Variants in NDUFS7 observed in about 807,000 individuals in gnomAD.
NDUFS7 encodes the protein NADH dehydrogenase [ubiquinone] iron-sulfur protein 7, mitochondrial.
In NDUFS7, 11 loss-of-function variants were observed where a neutral mutation model predicts 31.1. The observed-to-expected ratio is 0.35, with a 90% CI of 0.22 to 0.59. The LOEUF (loss-of-function observed/expected upper bound fraction) is 0.59, where lower values mean the gene tolerates loss of function less well. Among genes scored for constraint, NDUFS7 ranks in the 20% least tolerant of loss-of-function variants. The pLI, the probability that NDUFS7 is intolerant of heterozygous loss-of-function variation, is 0.79. For missense variants in NDUFS7, 263 were observed against 324.2 expected, an observed-to-expected ratio of 0.81 and a Z score of 1.45; for synonymous variants, 136 against 127.9, an observed-to-expected ratio of 1.06 and a Z score of -0.43.
Position 1,395,549 on chromosome 19 carries a change from T to C in NDUFS7, c.*61T>C. On this transcript the variant is annotated 3_prime_UTR_variant, in exon 8 of 8. Transcript: ENST00000233627. ...CTGTCCCCAGCCTGCTTGTGTCCCG[T>C]GAGGTTGTCAATAAACCTGCCCTCG... 1.3e-6 allele frequency: 2 copies of C among 1,538,298 alleles called. No homozygotes were observed. Among genetic ancestry groups the C allele is most frequent in the Non-Finnish European group, 8.8e-7 (1 of 1,136,780 alleles).
rs550867509 is a variant in NDUFS7, at chr19:1,393,054, C to T, written c.456-188C>T. 3.1e-4 allele frequency: 190 copies of T among 617,942 alleles called. 1 individual carries two copies. The highest frequency in any genetic ancestry group is 4.5e-4 in the Non-Finnish European group (153 of 342,680). 38.3% of individuals were successfully genotyped at this position (617,942 alleles called of 1,614,324 possible). A position where few individuals can be genotyped will look rare whatever the true frequency, so the allele number is the denominator to read the frequency against. Reference sequence around the variant, plus strand: ...GAGTTATCAGCCACGTGTGAGCTTGCGCCCCACTGGTCCCACAGAGGCTCT... The same window carrying T: ...GAGTTATCAGCCACGTGTGAGCTTGTGCCCCACTGGTCCCACAGAGGCTCT... On this transcript the variant is annotated intron_variant, in intron 6 of 7. Transcript: ENST00000233627. The surrounding 1 kb of genome is among the most constrained non-coding windows in gnomAD (Gnocchi z 7.3).
At chr19:1,394,214 G>A (rs1297095958) in intron 7 of NDUFS7, 5 of 433,830 alleles carry the variant, frequency 1.2e-5, no homozygotes, top group South Asian at 4.1e-5. Context: ...TCCCTGGAAA[G>A]GGCGTTGATT....
chr19:1,392,993 G>T (rs1331309228), intron 6 of NDUFS7: 1 of 582,494 alleles, frequency 1.7e-6, no homozygotes, highest in Non-Finnish European at 3.1e-6. Flanking sequence ...GGAATCGGTG[G>T]TCAGGAGCCC....
chr19:1,394,587 T>TCCTCCCTCCCTGCAGACCGCGCC, intron 7 of NDUFS7: 3 of 1,207,808 alleles, frequency 2.5e-6, no homozygotes, highest in Middle Eastern at 3.5e-4. Context: ...CGGACCGCGC[T>TCCTCCCTCCCTGCAGACCGCGCC]CGGCCCTCCC....
At position 1,393,103 on chromosome 19, in the gene NDUFS7, T is replaced by C; in HGVS notation, c.456-139T>C. 1 of 694,688 alleles carries C rather than the reference T, an allele frequency of 1.4e-6. No individual in the cohort carries two copies. Among genetic ancestry groups the C allele is most frequent in the South Asian group, 1.7e-5 (1 of 60,240 alleles). 43.0% of individuals were successfully genotyped at this position (694,688 alleles called of 1,614,324 possible). A position where few individuals can be genotyped will look rare whatever the true frequency, so the allele number is the denominator to read the frequency against. On this transcript the variant is annotated intron_variant, in intron 6 of 7. Coordinates refer to ENST00000233627, the MANE Select transcript of NDUFS7 (RefSeq NM_024407.5). The surrounding 1 kb of genome is among the most constrained non-coding windows in gnomAD (Gnocchi z 7.3). ...CTGGGAGCCTGTGCGTGTTTGCTCA[T>C]TGCTTCTCCGTGACAAGTTCCAGCC...
chr19:1,386,472 G>A (rs958890014), intron 1 of NDUFS7: 6 of 151,802 alleles, frequency 4.0e-5, no homozygotes, highest in Admixed American at 3.3e-4. Context: ...GCCCACCCTC[G>A]TGACCTCACT....
chr19:1,384,096 G>A (rs1003065160), intron 1 of NDUFS7, 154 bp downstream of exon 1: 42 of 811,790 alleles, frequency 5.2e-5, no homozygotes, highest in Non-Finnish European at 7.6e-5. Context: ...CTCCCCGCCC[G>A]GCTTGCGATG....
Position 1,391,351 on chromosome 19 carries a change from C to T in NDUFS7, c.455+186C>T, listed in dbSNP as rs185752686. Among the ~76,000 whole-genome samples the T allele has an allele frequency of 5.7e-3, 869 of 152,300 alleles. 11 individuals carry two copies. Among genetic ancestry groups the T allele is most frequent in the Middle Eastern group, 0.017 (5 of 294 alleles). On this transcript the variant is annotated intron_variant, in intron 6 of 7. Transcript: ENST00000233627. ...TGCGCTGGTGGGCCTCTCCCCAGAA[C>T]GATTCCTCCCATCCACCCCCACGCA...
rs1267285148 is a variant in NDUFS7, at chr19:1,393,461, G to A, written c.544+131G>A. ...GGCTCCCCCATCCTATGGATGGGCC[G>A]ACTCGGAGCGCTGCCTCTTAGTGGA... On this transcript the variant is annotated intron_variant, in intron 7 of 7. Coordinates refer to ENST00000233627, the MANE Select transcript of NDUFS7 (RefSeq NM_024407.5). This position sits in a 1 kb window ranked among gnomAD's most constrained non-coding sequence, Gnocchi z 7.3. The A allele has an allele frequency of 2.3e-5, 17 of 753,182 alleles. No individual in the cohort carries two copies. The highest frequency in any genetic ancestry group is 8.8e-5 in the South Asian group (6 of 68,480). The allele number at this position is 753,182 out of a possible 1,614,324, so 46.7% of individuals were successfully genotyped here.
chr19:1,395,581 C>T lies in NDUFS7; in HGVS notation c.*93C>T, dbSNP rs1295059510. 54 of 1,416,010 alleles carry T rather than the reference C, an allele frequency of 3.8e-5. 1 individual carries two copies. Among genetic ancestry groups the T allele is most frequent in the South Asian group, 1.4e-4 (11 of 81,400 alleles). The allele number at this position is 1,416,010 out of a possible 1,614,324, so 87.7% of individuals were successfully genotyped here. On this transcript the variant is annotated 3_prime_UTR_variant, in exon 8 of 8. Coordinates refer to ENST00000233627, the MANE Select transcript of NDUFS7 (RefSeq NM_024407.5). ...GTCAATAAACCTGCCCTCGGGCTGC[C>T]GCCTCCCAGTGTGGTGTGTGGGTGA... is the stretch of plus-strand genomic sequence containing the variant.
intron 6 of NDUFS7, chr19:1,392,571 CG>C (rs1482079935): frequency 1.3e-5 from 2 of 154,670 alleles, no homozygotes; most frequent in East Asian, 3.8e-4. Flanking sequence ...CTTCTGTGTC[CG>C]GCGTCTCTCA....
At position 1,393,644 on chromosome 19, in the gene NDUFS7, G is replaced by A. The variant is rs2082572900; in HGVS notation, c.544+314G>A. ...AAAGACCTGCAGTTAGAAATACCAA[G>A]CGAGAAGGTTCCTGGGGGCCAAGGA... On this transcript the variant is annotated intron_variant, in intron 7 of 7. Coordinates refer to ENST00000233627, the MANE Select transcript of NDUFS7 (RefSeq NM_024407.5). The surrounding 1 kb of genome is among the most constrained non-coding windows in gnomAD (Gnocchi z 7.3). 5.0e-6 allele frequency: 3 copies of A among 597,256 alleles called. No homozygotes were observed. Among genetic ancestry groups the A allele is most frequent in the Non-Finnish European group, 9.0e-6 (3 of 334,108 alleles). 37.0% of individuals were successfully genotyped at this position (597,256 alleles called of 1,614,324 possible). A position where few individuals can be genotyped will look rare whatever the true frequency, so the allele number is the denominator to read the frequency against.
chr19:1,393,896 C>G lies in NDUFS7; in HGVS notation c.544+566C>G, dbSNP rs959814486. 48 of 235,864 alleles carry G rather than the reference C, an allele frequency of 2.0e-4. No individual in the cohort carries two copies. The highest frequency in any genetic ancestry group is 1.3e-3 in the South Asian group (22 of 16,682). 14.6% of individuals were successfully genotyped at this position (235,864 alleles called of 1,614,324 possible). On this transcript the variant is annotated intron_variant, in intron 7 of 7. Coordinates refer to ENST00000233627, the MANE Select transcript of NDUFS7 (RefSeq NM_024407.5). This position sits in a 1 kb window ranked among gnomAD's most constrained non-coding sequence, Gnocchi z 7.3. ...GAGCATTGGCTGCATACCTGAAATTCACATCGCACCGGGAACATTCTTTAT... is the reference window on the plus strand; with the variant it reads ...GAGCATTGGCTGCATACCTGAAATTGACATCGCACCGGGAACATTCTTTAT...
intron 6 of NDUFS7, 84 bp downstream of exon 6, chr19:1,391,249 G>C (rs2082555526): frequency 3.3e-6 from 5 of 1,503,392 alleles, no homozygotes; most frequent in Non-Finnish European, 4.5e-6. Context: ...TATCAAAAGT[G>C]TCATCTACAT....
At chr19:1,388,979 CCT>C in intron 4 of NDUFS7, 41 bp downstream of exon 4, 1 of 1,504,784 alleles carries the variant, frequency 6.6e-7, no homozygotes, top group Non-Finnish European at 9.1e-7. Context: ...AGCGCCAGGG[CCT>C]CTCTGCACAC....
intron 7 of NDUFS7, chr19:1,394,461 CGGACTGTGCTCCCTGTCTGG>C (rs1568998021): frequency 7.9e-7 from 1 of 1,269,066 alleles, no homozygotes; most frequent in Non-Finnish European, 1.0e-6. Flanking sequence ...TCCCTCCCTG[CGGACTGTGCTCCCTGTCTGG>C]GGACTGCGCT....
intron 7 of NDUFS7, chr19:1,394,677 CTGTG>C: frequency 8.3e-7 from 1 of 1,203,978 alleles, no homozygotes; most frequent in Non-Finnish European, 1.1e-6. Flanking sequence ...TCCCTGCGGA[CTGTG>C]CTGCTCCCTC....
At chr19:1,389,136 T>C (rs1600147708) in intron 4 of NDUFS7, 198 bp downstream of exon 4, 1 of 703,648 alleles carries the variant, frequency 1.4e-6, no homozygotes. Context: ...ACGCACACAA[T>C]GCACATATGC....
At chr19:1,385,049 C>G (rs1001213349) in intron 1 of NDUFS7, among the ~76,000 whole-genome samples, 5 of 152,148 alleles carry the variant, frequency 3.3e-5, no homozygotes, top group Non-Finnish European at 1.5e-5. Context: ...CTTCTGAGTT[C>G]AAGCAATCCT....
Sources: gnomAD v4.1 joint callset for allele counts (sites outside exome capture counted in the v4.1 genomes callset) on GRCh38, gnomAD v4.1.1 for gene constraint, Gnocchi (gnomAD v3.1) non-coding constraint, MANE v1.5 for transcripts, NCBI Gene and HGNC (gene_info 2026-07-23, HGNC 2026-07-21) for gene names.